Variants in CDS2 observed in about 807,000 individuals in gnomAD.
CDS2 encodes phosphatidate cytidylyltransferase 2.
Under a neutral mutation model 59.0 loss-of-function variants are expected in CDS2, and 47 were observed. The observed-to-expected ratio is 0.80, with a 90% CI of 0.63 to 1.02. The LOEUF is 1.02. Ranked by LOEUF, CDS2 falls within the 50% of genes least tolerant of loss-of-function variation. The probability of loss-of-function intolerance (pLI) is 0.00; values close to 1 mark genes in which losing one functional copy is unlikely to be tolerated. For synonymous variants in CDS2, 207 were observed against 206.4 expected, an observed-to-expected ratio of 1.00 and a Z score of -0.02; for missense variants, 356 against 558.9, an observed-to-expected ratio of 0.64 and a Z score of 3.66.
intron 1 of CDS2, among the ~76,000 whole-genome samples, chr20:5,144,300 CAGTG>C: frequency 6.6e-6 from 1 of 152,138 alleles, no homozygotes; most frequent in Non-Finnish European, 1.5e-5. Context: ...CAGCCATTGT[CAGTG>C]AGTGTAGAAA....
rs375500781 is a variant in CDS2, at chr20:5,178,850, T to C, written c.423T>C (p.Tyr141=). ...TCCTGTGTGTAAACTATTTCTTCTA[T>C]GGTGAGACAGTGACGGATTACTTCT... is the stretch of plus-strand genomic sequence containing the variant. ...YFLLCVNYFF[Y]GETVTDYFFT... is the part of the protein sequence containing the mutation. Residue 141 remains tyrosine, a synonymous_variant, in exon 5 of 13, where the codon TAT becomes TAC. Transcript: ENST00000460006. 7.7e-5 allele frequency: 125 copies of C among 1,614,060 alleles called. No homozygotes were observed. The highest frequency in any genetic ancestry group is 1.0e-4 in the Non-Finnish European group (123 of 1,180,016).
chr20:5,191,749 T>C lies in CDS2; in HGVS notation c.*1515T>C, dbSNP rs1169115321. ...ACATCCTTGAGTGACTTCCCATATGTGTGTGGGGCTGAAGCGGCTTCTTTC... is the reference window on the plus strand; with the variant it reads ...ACATCCTTGAGTGACTTCCCATATGCGTGTGGGGCTGAAGCGGCTTCTTTC... On this transcript the variant is annotated 3_prime_UTR_variant, in exon 13 of 13. Coordinates refer to ENST00000460006, the MANE Select transcript of CDS2 (RefSeq NM_003818.4). 6.6e-6 allele frequency: 1 copy of C among 152,186 alleles called. No homozygotes were observed. Among genetic ancestry groups the C allele is most frequent in the African/African-American group, 2.4e-5 (1 of 41,432 alleles). The allele number at this position is 152,186 out of a possible 1,614,324, so 9.4% of individuals were successfully genotyped here.
intron 1 of CDS2, among the ~76,000 whole-genome samples, chr20:5,141,843 G>A (rs2096656815): frequency 6.6e-6 from 1 of 152,094 alleles, no homozygotes; most frequent in South Asian, 2.1e-4. Flanking sequence ...TTGAGTGTGT[G>A]GGGAGACATC....
At chr20:5,156,770 C>A (rs1033232026) in intron 1 of CDS2, among the ~76,000 whole-genome samples, 13 of 152,172 alleles carry the variant, frequency 8.5e-5, no homozygotes, top group Non-Finnish European at 1.5e-4. Flanking sequence ...TTGGCTCCCC[C>A]TCATGTTGGC....
intron 1 of CDS2, among the ~76,000 whole-genome samples, chr20:5,139,895 T>C (rs2090680241): frequency 6.7e-6 from 1 of 149,540 alleles, no homozygotes; most frequent in African/African-American, 2.5e-5. Flanking sequence ...ACCTCCCGGG[T>C]TCAAGCAGTT....
intron 1 of CDS2, among the ~76,000 whole-genome samples, chr20:5,135,448 G>T (rs910768063): frequency 1.3e-5 from 2 of 149,656 alleles, no homozygotes; most frequent in African/African-American, 5.1e-5. Context: ...AAGTACAGCT[G>T]TTTGTGTGTC....
In CDS2 at chr20:5,185,857, T is replaced by C. The variant is rs773669161; in HGVS notation, c.828+31T>C. On this transcript the variant is annotated intron_variant, in intron 9 of 12. Transcript: ENST00000460006. ...TGGTGGCTTTCAGCTGTGTAAGGGA[T>C]TGGGTGGACAGAGGCCTCATACCAC... 6.9e-6 allele frequency: 11 copies of C among 1,604,818 alleles called. No individual in the cohort carries two copies. In the African/African-American group the frequency reaches 1.5e-4, roughly 21 times the overall value.
intron 1 of CDS2, among the ~76,000 whole-genome samples, chr20:5,145,823 T>TG (rs1491103777): frequency 4.2e-5 from 2 of 47,412 alleles, no homozygotes; most frequent in Non-Finnish European, 9.8e-5. Context: ...GCTTTTTGTG[T>TG]TTTTTTTTTT....
intron 1 of CDS2, among the ~76,000 whole-genome samples, chr20:5,157,547 C>T (rs915840772): frequency 6.6e-6 from 1 of 152,070 alleles, no homozygotes; most frequent in African/African-American, 2.4e-5. Context: ...AATGAAACAC[C>T]ATGAGCTCAG....
At chr20:5,177,392 C>T (rs1356953154) in intron 4 of CDS2, among the ~76,000 whole-genome samples, 1 of 151,950 alleles carries the variant, frequency 6.6e-6, no homozygotes, top group Non-Finnish European at 1.5e-5. Flanking sequence ...CCAGAGTGGG[C>T]AGGAGTGAGG....
At chr20:5,175,665 A>G (rs1384992809) in intron 3 of CDS2, 1 of 179,510 alleles carries the variant, frequency 5.6e-6, no homozygotes, top group Admixed American at 5.8e-5. Flanking sequence ...ACGCGCCTGT[A>G]ATCCCAGCTA....
chr20:5,153,398 T>C (rs2090808372), intron 1 of CDS2, among the ~76,000 whole-genome samples: 1 of 152,218 alleles, frequency 6.6e-6, no homozygotes, highest in Admixed American at 6.5e-5. Context: ...TCTCTCCTGA[T>C]GTCTCCTAAT....
At chr20:5,140,361 A>G (rs575278207) in intron 1 of CDS2, among the ~76,000 whole-genome samples, 103 of 152,358 alleles carry the variant, frequency 6.8e-4, no homozygotes, top group Non-Finnish European at 1.3e-3. Flanking sequence ...TCCCTTCTGC[A>G]GTAAATTTGT....
chr20:5,176,390 TAAA>T, intron 3 of CDS2: 1 of 335,274 alleles, frequency 3.0e-6, no homozygotes. Flanking sequence ...AACCCTGTCT[TAAA>T]AAAAAAAAAG....
At chr20:5,160,348 A>G (rs953941185) in intron 1 of CDS2, among the ~76,000 whole-genome samples, 15 of 152,286 alleles carry the variant, frequency 9.8e-5, no homozygotes, top group African/African-American at 3.6e-4. Flanking sequence ...GTTGAGGACT[A>G]GAAGTTGTAG....
At chr20:5,149,534 C>T (rs539489598) in intron 1 of CDS2, among the ~76,000 whole-genome samples, 5 of 152,130 alleles carry the variant, frequency 3.3e-5, no homozygotes, top group African/African-American at 1.2e-4. Flanking sequence ...TCCTCCTCTC[C>T]TTGCTTCCCC....
At position 5,184,813 on chromosome 20, in the gene CDS2, A is replaced by T; in HGVS notation, c.672-45A>T. ...GCACTATTTTGTGTACTTTTGAGGTACTGTCACCTTGCTTGAGTTGATCCT... is the reference window on the plus strand; with the variant it reads ...GCACTATTTTGTGTACTTTTGAGGTTCTGTCACCTTGCTTGAGTTGATCCT... On this transcript the variant is annotated intron_variant, in intron 7 of 12. Coordinates refer to ENST00000460006, the MANE Select transcript of CDS2 (RefSeq NM_003818.4). This position sits in a 1 kb window ranked among gnomAD's most constrained non-coding sequence, Gnocchi z 4.3. The T allele has an allele frequency of 7.3e-7, 1 of 1,377,616 alleles. No individual in the cohort carries two copies. The highest frequency in any genetic ancestry group is 1.0e-6 in the Non-Finnish European group (1 of 964,510). 85.3% of individuals were successfully genotyped at this position (1,377,616 alleles called of 1,614,324 possible).
At position 5,192,106 on chromosome 20, in the gene CDS2, G is replaced by A. The variant is rs1655923767; in HGVS notation, c.*1872G>A. On this transcript the variant is annotated 3_prime_UTR_variant, in exon 13 of 13. Transcript: ENST00000460006. ...CCGAACAGTAAAGGTGATCAATAAC[G>A]AAACTGTAGTTTTCAGATTGAAGAA... 1 of 152,156 alleles carries A rather than the reference G, an allele frequency of 6.6e-6. No homozygotes were observed. Among genetic ancestry groups the A allele is most frequent in the South Asian group, 2.1e-4 (1 of 4,830 alleles). The allele number at this position is 152,156 out of a possible 1,614,324, so 9.4% of individuals were successfully genotyped here. A position where few individuals can be genotyped will look rare whatever the true frequency, so the allele number is the denominator to read the frequency against.
At chr20:5,139,873 G>A (rs7271364) in intron 1 of CDS2, among the ~76,000 whole-genome samples, 1,840 of 148,628 alleles carry the variant, frequency 0.012, 46 homozygotes, top group African/African-American at 0.042. Flanking sequence ...ATCTCAGCTC[G>A]CTGCAACCTC....
Sources: gnomAD v4.1 joint callset for allele counts (sites outside exome capture counted in the v4.1 genomes callset) on GRCh38, gnomAD v4.1.1 for gene constraint, Gnocchi (gnomAD v3.1) non-coding constraint, MANE v1.5 for transcripts, NCBI Gene and HGNC (gene_info 2026-07-23, HGNC 2026-07-21) for gene names.